The following ESRRG variants were observed in gnomAD, a reference collection of about 807,000 sequenced individuals.
The protein encoded by ESRRG is estrogen-related receptor gamma.
Under a neutral mutation model 44.0 loss-of-function variants are expected in ESRRG, and 13 were observed. The observed-to-expected ratio is 0.30, with a 90% CI of 0.19 to 0.47. The LOEUF is 0.47. ESRRG is among the 20% of genes least tolerant of loss of function. ESRRG has a pLI of 1.00. For missense variants in ESRRG, 395 were observed against 580.6 expected (o/e 0.68, Z 3.29); for synonymous variants, 215 against 214.6 (o/e 1.00, Z -0.02).
At chr1:216,939,885 G>A (rs2818753) in intron 1 of ESRRG, among the ~76,000 whole-genome samples, 16,887 of 152,050 alleles carry the variant, frequency 0.11, 2,051 homozygotes, top group African/African-American at 0.3. Context: ...ACACTCCAAC[G>A]AAGGTACAGT....
At chr1:216,605,151 CT>C (rs891297678) in intron 3 of ESRRG, among the ~76,000 whole-genome samples, 14 of 151,918 alleles carry the variant, frequency 9.2e-5, no homozygotes, top group Non-Finnish European at 1.8e-4. Flanking sequence ...CCATTTTCTT[CT>C]TTTTTTTGCA....
At chr1:216,924,327 G>C (rs770421094) in intron 2 of ESRRG, among the ~76,000 whole-genome samples, 2 of 152,140 alleles carry the variant, frequency 1.3e-5, no homozygotes, top group South Asian at 2.1e-4. Flanking sequence ...TCCACTGGTT[G>C]AAAGGGGAGG....
chr1:216,794,540 T>A (rs1425172006), intron 2 of ESRRG, among the ~76,000 whole-genome samples: 2 of 152,152 alleles, frequency 1.3e-5, no homozygotes. Flanking sequence ...TGTAGAGAAA[T>A]AAAGATGCAT....
At chr1:216,796,381 G>A (rs960458528) in intron 2 of ESRRG, among the ~76,000 whole-genome samples, 1 of 152,114 alleles carries the variant, frequency 6.6e-6, no homozygotes, top group Non-Finnish European at 1.5e-5. Flanking sequence ...CAGAGACACC[G>A]ATATTTTGGG....
intron 2 of ESRRG, among the ~76,000 whole-genome samples, chr1:216,920,977 C>T (rs1271442491): frequency 6.6e-6 from 1 of 152,178 alleles, no homozygotes. Flanking sequence ...CCCAACACTA[C>T]CTGCTTATGT....
chr1:216,831,398 C>T (rs1244074271), intron 2 of ESRRG, among the ~76,000 whole-genome samples: 4 of 151,966 alleles, frequency 2.6e-5, no homozygotes, highest in East Asian at 1.9e-4. Context: ...CATCTAAACT[C>T]GCTTTTACCA....
At chr1:217,114,806 G>A (rs993011002) in intron 1 of ESRRG, among the ~76,000 whole-genome samples, 5 of 150,520 alleles carry the variant, frequency 3.3e-5, no homozygotes, top group East Asian at 2.0e-4. Context: ...ACAGGCGCCC[G>A]CCACCACACG....
chr1:216,978,634 C>T (rs1388720341), intron 1 of ESRRG, among the ~76,000 whole-genome samples: 2 of 152,152 alleles, frequency 1.3e-5, no homozygotes, highest in Admixed American at 6.6e-5. Context: ...TCTCAGTACC[C>T]CAATACTGTG....
At chr1:216,742,786 TA>T (rs2090916890) in intron 2 of ESRRG, among the ~76,000 whole-genome samples, 2 of 152,062 alleles carry the variant, frequency 1.3e-5, no homozygotes, top group African/African-American at 4.8e-5. Flanking sequence ...ACACCAAAAG[TA>T]AACTGTACAA....
At chr1:216,537,747 T>C (rs980988997) in intron 5 of ESRRG, among the ~76,000 whole-genome samples, 3 of 152,100 alleles carry the variant, frequency 2.0e-5, no homozygotes, top group African/African-American at 7.2e-5. Context: ...TAAAACCTTA[T>C]GGAGAACACA....
chr1:216,791,202 G>A (rs2094308502), intron 2 of ESRRG, among the ~76,000 whole-genome samples: 1 of 152,182 alleles, frequency 6.6e-6, no homozygotes, highest in East Asian at 1.9e-4. Context: ...GGATCATGGG[G>A]GCAGATACCT....
intron 1 of ESRRG, among the ~76,000 whole-genome samples, chr1:216,962,914 C>G (rs1365495617): frequency 7.2e-5 from 11 of 152,106 alleles, no homozygotes; most frequent in Admixed American, 7.2e-4. Flanking sequence ...ATATCAGTTC[C>G]TGTGTGCAGA....
At chr1:216,595,698 T>C (rs2058328698) in intron 3 of ESRRG, among the ~76,000 whole-genome samples, 1 of 152,224 alleles carries the variant, frequency 6.6e-6, no homozygotes, top group Non-Finnish European at 1.5e-5. Context: ...CTAAGGGTAT[T>C]CTTGGCTGTT....
chr1:217,135,266 C>G (rs1043266969), intron 1 of ESRRG, among the ~76,000 whole-genome samples: 3 of 152,124 alleles, frequency 2.0e-5, no homozygotes, highest in Non-Finnish European at 4.4e-5. Context: ...CGCCCAGCCC[C>G]GTACAGTTTT....
chr1:216,513,272 A>G (rs1462091787), intron 6 of ESRRG, among the ~76,000 whole-genome samples: 1 of 152,194 alleles, frequency 6.6e-6, no homozygotes, highest in African/African-American at 2.4e-5. Context: ...TAATGAATCA[A>G]GCAGAATTCT....
chr1:217,109,888 GTT>G (rs1356692791), intron 1 of ESRRG, among the ~76,000 whole-genome samples: 1 of 152,204 alleles, frequency 6.6e-6, no homozygotes, highest in Non-Finnish European at 1.5e-5. Context: ...ATTCTAAAAG[GTT>G]TTAATTTCTG....
At chr1:216,748,930 T>G (rs963956050) in intron 2 of ESRRG, among the ~76,000 whole-genome samples, 3 of 152,132 alleles carry the variant, frequency 2.0e-5, no homozygotes, top group African/African-American at 4.8e-5. Context: ...TTTGAGTCTA[T>G]GCTTATGGGG....
chr1:216,986,935 A>G (rs574692880), intron 1 of ESRRG, among the ~76,000 whole-genome samples: 1 of 152,322 alleles, frequency 6.6e-6, no homozygotes, highest in South Asian at 2.1e-4. Context: ...ACCATCAATA[A>G]TAAGAAACAA....
At chr1:216,513,955 A>G (rs1312221753) in intron 6 of ESRRG, among the ~76,000 whole-genome samples, 1 of 152,150 alleles carries the variant, frequency 6.6e-6, no homozygotes, top group Non-Finnish European at 1.5e-5. Flanking sequence ...TCATTATCTT[A>G]TGCTATAATC....
Sources: allele counts gnomAD v4.1 joint callset (sites outside exome capture counted in the v4.1 genomes callset), GRCh38; gene constraint gnomAD v4.1.1; transcripts MANE v1.5; gene names NCBI Gene and HGNC (gene_info 2026-07-23, HGNC 2026-07-21).